The following TUT1 variants were observed in gnomAD, a reference collection of about 807,000 sequenced individuals.
TUT1 encodes terminal uridylyl transferase 1, U6 snRNA-specific.
A neutral mutation model predicts 48.8 loss-of-function variants in TUT1; 26 were observed. The ratio of observed to expected loss-of-function variants is 0.53; its 90% CI spans 0.39 to 0.74. TUT1 has a LOEUF of 0.74. TUT1 is among the 30% of genes least tolerant of loss of function. TUT1 has a pLI of 0.00. For missense variants in TUT1, 1,065 were observed against 1,114.8 expected (o/e 0.96, Z 0.64); for synonymous variants, 470 against 460.8 (o/e 1.02, Z -0.26).
chr11:62,576,129 G>C lies in TUT1; in HGVS notation c.1590C>G (p.Leu530=). Residue 530 remains leucine (L), a synonymous_variant, in exon 9 of 9, where the codon CTC becomes CTG. Transcript: ENST00000476907. ...GGGGGCCAAGGCGCAGACCCTCCCA[G>C]AGATTAGAAGGCAGGCCCCCTGCCA... is the stretch of plus-strand genomic sequence containing the variant. ...LPVAGGLPSN[L]WEGLRLGPLN... 1 of 1,613,976 alleles carries C rather than the reference G, an allele frequency of 6.2e-7. No homozygotes were observed.
Position 62,576,706 on chromosome 11 carries a change from G to T in TUT1, c.1425C>A (p.Phe475Leu), listed in dbSNP as rs1197276388. 1 of 1,614,182 alleles carries T rather than the reference G, an allele frequency of 6.2e-7. No homozygotes were observed. The highest frequency in any genetic ancestry group is 1.1e-5 in the South Asian group (1 of 91,084). Residue 475 changes from phenylalanine (F) to leucine (L), a missense_variant, in exon 8 of 9, where the codon TTC (phenylalanine) becomes TTA (leucine). Transcript: ENST00000476907. ...QVEVDGWDCS[F>L]PRDASRLEPS... The stretch of plus-strand genomic sequence containing the variant: ...GCTCCAGTCTTGAGGCATCCCTGGG[G>T]AAACTGCAGTCCCAGCCATCGACTT...
In TUT1 at chr11:62,591,404, G is replaced by T. The variant is rs779369148; in HGVS notation, c.82C>A (p.Arg28=). Reference sequence around the variant, plus strand: ...GGGTCCCTCACTAGCCACCGCTTACGGTTGGCTGTAGTAACGTGGCAGAGG... The same window carrying T: ...GGGTCCCTCACTAGCCACCGCTTACTGTTGGCTGTAGTAACGTGGCAGAGG... The part of the protein sequence containing the change: ...CCLCHVTTAN[R]PSLDAHLGGR... Residue 28 remains arginine (R), a splice_region_variant and synonymous_variant, in exon 1 of 9, where the codon CGA becomes AGA. Coordinates refer to ENST00000476907, the MANE Select transcript of TUT1 (RefSeq NM_022830.3). 1.3e-6 allele frequency: 2 copies of T among 1,578,870 alleles called. No individual in the cohort carries two copies. Among genetic ancestry groups the T allele is most frequent in the Non-Finnish European group, 1.7e-6 (2 of 1,163,916 alleles).
chr11:62,586,994 T>C (rs1395737503), intron 2 of TUT1, among the ~76,000 whole-genome samples: 3 of 147,960 alleles, frequency 2.0e-5, no homozygotes, highest in Non-Finnish European at 3.0e-5. Flanking sequence ...CGTAAGCCAC[T>C]GTGCCCAGTC....
chr11:62,576,040 GC>G lies in TUT1; in HGVS notation c.1678del (p.Ala560LeufsTer76). 1 of 1,613,834 alleles carries G rather than the reference GC, an allele frequency of 6.2e-7. No homozygotes were observed. Among genetic ancestry groups the G allele is most frequent in the South Asian group, 1.1e-5 (1 of 91,084 alleles). ...TCGGCAGCAGTTCTGTAGGCGCCCA[GC>G]CACCCGGCTGGTCACATTGGCTGCG... ...NVAANVTSRVAGRLQNCCRAA... is the reference protein window; with the variant it reads ...NVAANVTSRVXGRLQNCCRAA... On this transcript the variant is annotated frameshift_variant, in exon 9 of 9. Coordinates refer to ENST00000476907, the MANE Select transcript of TUT1 (RefSeq NM_022830.3). LOFTEE classifies it low-confidence loss of function (END_TRUNC).
intron 2 of TUT1, among the ~76,000 whole-genome samples, chr11:62,584,671 T>C (rs972205794): frequency 2.0e-5 from 3 of 151,958 alleles, no homozygotes; most frequent in Non-Finnish European, 4.4e-5. Context: ...CTCCAACTCC[T>C]AACCTTAGGT....
In TUT1 at chr11:62,581,450, G is replaced by A. The variant is rs754419575; in HGVS notation, c.525C>T (p.Ala175=). The A allele has an allele frequency of 8.7e-6, 14 of 1,613,574 alleles. No homozygotes were observed. The highest frequency in any genetic ancestry group is 3.3e-5 in the Admixed American group (2 of 59,910). ...CCACTAGGCTGCGAAGCTGCCGCTC[G>A]GCCTCGGACAACTCCCTCAGCCCCA... The part of the protein sequence containing the change: ...KLVGLRELSE[A]ERQLRSLVVA... The change falls in exon 3 of 9, where the codon GCC becomes GCT. Residue 175 remains alanine (A), a synonymous_variant. Transcript: ENST00000476907.
In TUT1 at chr11:62,578,892, C is replaced by T. The variant is rs1941777531; in HGVS notation, c.829G>A (p.Asp277Asn). The change falls in exon 5 of 9, where the codon GAC becomes AAC. Residue 277 changes from aspartate (D) to asparagine (N), a missense_variant. Transcript: ENST00000476907. ...AGGGAGGAGGAAGGGGTTTCAAAGT[C>T]CAGGGCTTCAGAATCCTGGGGAGAA... is the stretch of plus-strand genomic sequence containing the variant. ...PASPQDSEAL[D>N]FETPSSSLAP... The T allele has an allele frequency of 6.2e-7, 1 of 1,603,154 alleles. No homozygotes were observed. Among genetic ancestry groups the T allele is most frequent in the Admixed American group, 1.7e-5 (1 of 58,344 alleles).
At chr11:62,587,092 C>CAA (rs202002182) in intron 2 of TUT1, among the ~76,000 whole-genome samples, 4,353 of 108,024 alleles carry the variant, frequency 0.04, 223 homozygotes, top group African/African-American at 0.12. Context: ...AACTCCCTCT[C>CAA]AAAAAAAAAA....
chr11:62,586,447 T>C (rs948224553), intron 2 of TUT1, among the ~76,000 whole-genome samples: 5 of 152,326 alleles, frequency 3.3e-5, no homozygotes, highest in Non-Finnish European at 7.3e-5. Context: ...ATAATGTGCT[T>C]AGCACACAAT....
chr11:62,582,241 G>A (rs1260866234), intron 2 of TUT1, among the ~76,000 whole-genome samples: 1 of 151,978 alleles, frequency 6.6e-6, no homozygotes, highest in Admixed American at 6.6e-5. Context: ...CTAAAGTGCT[G>A]GGATTACAGG....
chr11:62,591,322 C>T, intron 1 of TUT1, 82 bp downstream of exon 1: 1 of 1,449,130 alleles, frequency 6.9e-7, no homozygotes, highest in Non-Finnish European at 9.0e-7. Flanking sequence ...GAACGACTGA[C>T]TACCTATAAC....
chr11:62,575,374 C>CG lies in TUT1; in HGVS notation c.2344dup (p.Arg782ProfsTer2). Reference sequence around the variant, plus strand: ...CTTGGTTTGCTGCTGCAAGCGTCTACGGGCTCGCCGCCGCCCTTGCCACAC... The same window carrying CG: ...CTTGGTTTGCTGCTGCAAGCGTCTACGGGGCTCGCCGCCGCCCTTGCCACAC... On this transcript the variant is annotated frameshift_variant, in exon 9 of 9. Coordinates refer to ENST00000476907, the MANE Select transcript of TUT1 (RefSeq NM_022830.3). LOFTEE classifies it low-confidence loss of function (END_TRUNC). 2 of 1,613,308 alleles carry CG rather than the reference C, an allele frequency of 1.2e-6. No individual in the cohort carries two copies. The highest frequency in any genetic ancestry group is 2.2e-5 in the South Asian group (2 of 91,086).
In TUT1 at chr11:62,578,703, T is replaced by A. The variant is rs370164368; in HGVS notation, c.1018A>T (p.Met340Leu). ...PKEEKAEGAA[M>L]LELVGSILRG... is the part of the protein sequence containing the mutation. ...AGAATGGATCCCACCAGCTCCAGCATTGCTGCCCCCTCTGCTTTCTCCTCC... is the reference window on the plus strand; with the variant it reads ...AGAATGGATCCCACCAGCTCCAGCAATGCTGCCCCCTCTGCTTTCTCCTCC... The change falls in exon 5 of 9, where the codon ATG becomes TTG. Residue 340 changes from methionine to leucine, a missense_variant. Transcript: ENST00000476907. 2.6e-5 allele frequency: 42 copies of A among 1,614,074 alleles called. No homozygotes were observed. Among genetic ancestry groups the A allele is most frequent in the Middle Eastern group, 1.6e-4 (1 of 6,084 alleles).
chr11:62,578,522 G>C (rs1200312620), intron 5 of TUT1, 39 bp downstream of exon 5: 13 of 1,536,380 alleles, frequency 8.5e-6, no homozygotes, highest in African/African-American at 1.4e-5. Context: ...TCCAGCCTGG[G>C]CAACGAGTGA....
In TUT1 at chr11:62,589,076, G is replaced by A. The variant is rs539099763; in HGVS notation, c.228C>T (p.Phe76=). The change falls in exon 2 of 9, where the codon TTC becomes TTT. Residue 76 remains phenylalanine, a synonymous_variant. Coordinates refer to ENST00000476907, the MANE Select transcript of TUT1 (RefSeq NM_022830.3). ...CACTGGCCACAGGTCCAAATGCTAGGAAGTACTCAGAGAGCTGAGCAGAAT... is the reference window on the plus strand; with the variant it reads ...CACTGGCCACAGGTCCAAATGCTAGAAAGTACTCAGAGAGCTGAGCAGAAT... ...DVDSAQLSEY[F]LAFGPVASVV... 4 of 1,614,136 alleles carry A rather than the reference G, an allele frequency of 2.5e-6. No homozygotes were observed. In the Admixed American group the frequency reaches 6.7e-5, roughly 27 times the overall value.
At chr11:62,584,127 ATTTTTTT>A (rs1190506956) in intron 2 of TUT1, among the ~76,000 whole-genome samples, 1 of 133,302 alleles carries the variant, frequency 7.5e-6, no homozygotes, top group Non-Finnish European at 1.6e-5. Context: ...ACTGAATTGT[ATTTTTTT>A]TTTTTTTTTT....
intron 2 of TUT1, 87 bp from the exon 3 acceptor site, chr11:62,581,788 A>C: frequency 9.0e-7 from 1 of 1,107,474 alleles, no homozygotes; most frequent in Non-Finnish European, 1.2e-6. Flanking sequence ...TTTGAAATGG[A>C]GACTATCCCA....
Position 62,583,029 on chromosome 11 carries a change from A to G in TUT1, c.274-1328T>C, listed in dbSNP as rs376609286. 1.5e-3 allele frequency among the ~76,000 whole-genome samples: 234 copies of G among 151,758 alleles called. 2 individuals are homozygous for G. Among genetic ancestry groups the G allele is most frequent in the African/African-American group, 5.2e-3 (214 of 41,366 alleles). The stretch of plus-strand genomic sequence containing the variant: ...TGTAGTCCCAGCTACTAGGGAGGCT[A>G]AGGCAGGAGAATGGCATGAACCCAG... On this transcript the variant is annotated intron_variant, in intron 2 of 8. Transcript: ENST00000476907.
At position 62,591,420 on chromosome 11, in the gene TUT1, G is replaced by A. The variant is rs747876274; in HGVS notation, c.66C>T (p.His22=). The stretch of plus-strand genomic sequence containing the variant: ...ACCGCTTACGGTTGGCTGTAGTAAC[G>A]TGGCAGAGGCAGCAGCGGAACCCCC... ...PRGGFRCCLC[H]VTTANRPSLD... Residue 22 remains histidine (H), a synonymous_variant, in exon 1 of 9, where the codon CAC becomes CAT. Coordinates refer to ENST00000476907, the MANE Select transcript of TUT1 (RefSeq NM_022830.3). 2.5e-6 allele frequency: 4 copies of A among 1,598,444 alleles called. No individual in the cohort carries two copies. In the Admixed American group the frequency reaches 5.2e-5, roughly 21 times the overall value.
Sources: gnomAD v4.1 joint callset for allele counts (sites outside exome capture counted in the v4.1 genomes callset) on GRCh38, gnomAD v4.1.1 for gene constraint, MANE v1.5 for transcripts, NCBI Gene and HGNC (gene_info 2026-07-23, HGNC 2026-07-21) for gene names.